Variants in DLC1 observed in about 807,000 individuals in gnomAD.
The protein encoded by DLC1 is DLC1 Rho GTPase activating protein.
A neutral mutation model predicts 140.3 loss-of-function variants in DLC1; 54 were observed. The observed-to-expected ratio is 0.38, with a 90% CI of 0.31 to 0.48. The LOEUF (loss-of-function observed/expected upper bound fraction) is 0.48, where lower values mean the gene tolerates loss of function less well. DLC1 is among the 20% of genes least tolerant of loss of function. The probability of loss-of-function intolerance (pLI) is 0.96; values close to 1 mark genes in which losing one functional copy is unlikely to be tolerated. For missense variants in DLC1, 2,536 were observed against 1,907.0 expected (o/e 1.33, Z -6.14); for synonymous variants, 986 against 728.1 (o/e 1.35, Z -5.70).
chr8:13,599,113 C>G (rs777021813), intron 1 of DLC1, among the ~76,000 whole-genome samples: 1 of 151,566 alleles, frequency 6.6e-6, no homozygotes, highest in Non-Finnish European at 1.5e-5. Context: ...AACTAGCATT[C>G]TGATTGAAAA....
At chr8:13,331,129 T>C (rs1388503339) in intron 4 of DLC1, among the ~76,000 whole-genome samples, 1 of 152,216 alleles carries the variant, frequency 6.6e-6, no homozygotes, top group Non-Finnish European at 1.5e-5. Context: ...TGCAGCCTTC[T>C]AGTAAATAAA....
At chr8:13,124,766 C>A (rs1821411437) in intron 5 of DLC1, among the ~76,000 whole-genome samples, 1 of 152,126 alleles carries the variant, frequency 6.6e-6, no homozygotes, top group African/African-American at 2.4e-5. Context: ...TTCCTTTATG[C>A]CCATTTCACC....
chr8:13,382,106 G>T (rs1836288508), intron 4 of DLC1, among the ~76,000 whole-genome samples: 1 of 152,120 alleles, frequency 6.6e-6, no homozygotes, highest in Admixed American at 6.5e-5. Flanking sequence ...ATTGTTGTGT[G>T]TGGTAATGTA....
rs548759700 is a variant in DLC1, at chr8:13,089,655, T to A, written c.4074+597A>T. ...ATATAAATAAATAAAAACAAAAACA[T>A]CAGACATTTGCACTCATTTCCAAAG... On this transcript the variant is annotated intron_variant, in intron 15 of 17. Coordinates refer to ENST00000276297, the MANE Select transcript of DLC1 (RefSeq NM_182643.3). Among the ~76,000 whole-genome samples, 14 of 152,080 alleles carry A rather than the reference T, an allele frequency of 9.2e-5. No homozygotes were observed. In the South Asian group the frequency reaches 2.7e-3, roughly 29 times the overall value.
intron 4 of DLC1, chr8:13,353,356 TA>T (rs1834766921): frequency 6.6e-6 from 1 of 152,206 alleles, no homozygotes; most frequent in African/African-American, 2.4e-5. Context: ...ATAATATCTG[TA>T]AAAGACTTCA....
At chr8:13,498,562 G>C (rs540210589) in intron 2 of DLC1, among the ~76,000 whole-genome samples, 1 of 152,072 alleles carries the variant, frequency 6.6e-6, no homozygotes, top group African/African-American at 2.4e-5. Context: ...GAGTAGTTTA[G>C]CCTTTGTATA....
intron 4 of DLC1, among the ~76,000 whole-genome samples, chr8:13,333,655 C>A (rs971644802): frequency 1.3e-5 from 2 of 152,286 alleles, no homozygotes; most frequent in East Asian, 3.9e-4. Context: ...TGTGTTCTCA[C>A]CCGCCCCCTT....
chr8:13,557,002 T>G (rs1804069523), intron 1 of DLC1, among the ~76,000 whole-genome samples: 1 of 152,174 alleles, frequency 6.6e-6, no homozygotes, highest in Non-Finnish European at 1.5e-5. Flanking sequence ...TGAATTTATT[T>G]ATAATGTAGT....
intron 1 of DLC1, among the ~76,000 whole-genome samples, chr8:13,552,615 T>G (rs1179603567): frequency 6.6e-6 from 1 of 151,596 alleles, no homozygotes; most frequent in Non-Finnish European, 1.5e-5. Flanking sequence ...TTCTATACTA[T>G]GTACTAGAAA....
intron 5 of DLC1, among the ~76,000 whole-genome samples, chr8:13,125,166 G>T (rs913811385): frequency 8.5e-5 from 13 of 152,068 alleles, no homozygotes; most frequent in Non-Finnish European, 1.9e-4. Flanking sequence ...TAGTAGAGAC[G>T]GGGTTTCGCC....
chr8:13,539,083 T>G (rs557586981), intron 1 of DLC1, among the ~76,000 whole-genome samples: 1 of 152,326 alleles, frequency 6.6e-6, no homozygotes, highest in South Asian at 2.1e-4. Context: ...TTGAATAATT[T>G]CACATTCTCC....
At chr8:13,438,524 T>C (rs1007661515) in intron 2 of DLC1, among the ~76,000 whole-genome samples, 1 of 152,258 alleles carries the variant, frequency 6.6e-6, no homozygotes, top group South Asian at 2.1e-4. Context: ...CCCCAAATCC[T>C]GATTTACTGT....
intron 2 of DLC1, among the ~76,000 whole-genome samples, chr8:13,474,412 T>C (rs1187532476): frequency 6.6e-6 from 1 of 152,164 alleles, no homozygotes; most frequent in Admixed American, 6.5e-5. Flanking sequence ...GGAGAACTTC[T>C]GCTAGGGCAG....
intron 5 of DLC1, among the ~76,000 whole-genome samples, chr8:13,155,501 C>T (rs1303934685): frequency 6.6e-6 from 1 of 151,974 alleles, no homozygotes; most frequent in Non-Finnish European, 1.5e-5. Context: ...AAAACATGTT[C>T]ACCAAAGTAG....
At chr8:13,089,101 A>C (rs560342669) in intron 15 of DLC1, among the ~76,000 whole-genome samples, 1 of 151,946 alleles carries the variant, frequency 6.6e-6, no homozygotes, top group South Asian at 2.1e-4. Context: ...TCTACTAAAA[A>C]TATGGAAATT....
chr8:13,203,771 T>C (rs1442493870), intron 5 of DLC1, among the ~76,000 whole-genome samples: 1 of 151,786 alleles, frequency 6.6e-6, no homozygotes, highest in Non-Finnish European at 1.5e-5. Context: ...ATGATTCTTG[T>C]CTTTTACTTG....
chr8:13,333,769 C>T (rs1444576063), intron 4 of DLC1, among the ~76,000 whole-genome samples: 1 of 152,154 alleles, frequency 6.6e-6, no homozygotes, highest in Non-Finnish European at 1.5e-5. Context: ...TCCTTCTTTA[C>T]CTAACATCAC....
intron 3 of DLC1, among the ~76,000 whole-genome samples, chr8:13,399,009 G>A (rs1837174471): frequency 6.6e-6 from 1 of 152,136 alleles, no homozygotes; most frequent in Non-Finnish European, 1.5e-5. Context: ...TGAAATGTGG[G>A]AGAAGATCCA....
intron 4 of DLC1, among the ~76,000 whole-genome samples, chr8:13,347,915 C>T (rs151194654): frequency 2.0e-5 from 3 of 152,178 alleles, no homozygotes; most frequent in African/African-American, 7.2e-5. Flanking sequence ...CAGTGAAACC[C>T]CATCTCTACT....
Sources: gnomAD v4.1 joint callset for allele counts (sites outside exome capture counted in the v4.1 genomes callset) on GRCh38, gnomAD v4.1.1 for gene constraint, MANE v1.5 for transcripts, NCBI Gene and HGNC (gene_info 2026-07-23, HGNC 2026-07-21) for gene names.